The following ZBED6 variants were observed in gnomAD, a reference collection of about 807,000 sequenced individuals.
ZBED6 encodes zinc finger BED-type containing 6.
Under a neutral mutation model 58.4 loss-of-function variants are expected in ZBED6, and 40 were observed. The ratio of observed to expected loss-of-function variants is 0.68; its 90% CI spans 0.53 to 0.89. The LOEUF (loss-of-function observed/expected upper bound fraction) is 0.89, where lower values mean the gene tolerates loss of function less well. Ranked by LOEUF, ZBED6 falls within the 40% of genes least tolerant of loss-of-function variation. ZBED6 has a pLI of 0.00. For missense variants in ZBED6, 1,057 were observed against 1,003.9 expected (o/e 1.05, Z -0.71); for synonymous variants, 439 against 350.6 (o/e 1.25, Z -2.82).
intron 1 of ZBED6, among the ~76,000 whole-genome samples, chr1:203,804,776 G>A (rs1168762959): frequency 6.6e-6 from 1 of 150,656 alleles, no homozygotes; most frequent in African/African-American, 2.4e-5. Flanking sequence ...AGGTTCAAGT[G>A]ATTCTTCTGT....
At chr1:203,842,604 AG>A (rs1424186289) in intron 11 of ZBED6, among the ~76,000 whole-genome samples, 1 of 57,608 alleles carries the variant, frequency 1.7e-5, no homozygotes, top group Non-Finnish European at 3.3e-5. Context: ...GACCGGGGAG[AG>A]GGGGAGGGGG....
chr1:203,850,230 A>G (rs1688941741), intron 14 of ZBED6: 15 of 666,138 alleles, frequency 2.3e-5, no homozygotes, highest in Non-Finnish European at 3.6e-5. Context: ...CTATTTAAAA[A>G]GCTTTGTGTA....
rs759681132 is a variant in ZBED6 at position 203,847,384 on chromosome 1, C to A, written c.*3942C>A. The stretch of plus-strand genomic sequence containing the variant: ...CTCTGAGGTCCTGGCTGAAAAAAAA[C>A]ATCGGCAGCAGGAAGCAGAGAGACA... On this transcript the variant is annotated 3_prime_UTR_variant, in exon 12 of 17. Transcript: ENST00000550078. The A allele has an allele frequency of 7.4e-6, 12 of 1,613,860 alleles. No individual in the cohort carries two copies. In the South Asian group the frequency reaches 1.3e-4, roughly 18 times the overall value.
At chr1:203,827,810 A>G (rs531148245) in intron 3 of ZBED6, among the ~76,000 whole-genome samples, 1 of 152,306 alleles carries the variant, frequency 6.6e-6, no homozygotes, top group Non-Finnish European at 1.5e-5. Flanking sequence ...CTCAGCTTCA[A>G]GTAATAACTG....
At chr1:203,846,160 TGG>T (rs35704322) in intron 11 of ZBED6, among the ~76,000 whole-genome samples, 1 of 131,966 alleles carries the variant, frequency 7.6e-6, no homozygotes, top group Admixed American at 7.6e-5. Flanking sequence ...ATAATTTTTT[TGG>T]GGGGGGGGTT....
At chr1:203,827,776 A>G (rs1278822478) in intron 3 of ZBED6, among the ~76,000 whole-genome samples, 1 of 152,166 alleles carries the variant, frequency 6.6e-6, no homozygotes, top group Admixed American at 6.5e-5. Context: ...ATGAATGGGA[A>G]GAATTTTCTC....
chr1:203,828,111 C>T (rs1681157434), intron 3 of ZBED6, among the ~76,000 whole-genome samples, 188 bp from the exon 4 acceptor site: 1 of 152,168 alleles, frequency 6.6e-6, no homozygotes, highest in African/African-American at 2.4e-5. Context: ...TACTCTCCTG[C>T]TCCATTCAGC....
chr1:203,813,420 A>G (rs1263273984), intron 1 of ZBED6, among the ~76,000 whole-genome samples: 4 of 152,012 alleles, frequency 2.6e-5, no homozygotes, highest in African/African-American at 4.8e-5. Flanking sequence ...TTTCTTTTGT[A>G]TTTAAGTTGT....
chr1:203,843,659 C>T (rs1239909405), intron 11 of ZBED6, among the ~76,000 whole-genome samples: 1 of 152,116 alleles, frequency 6.6e-6, no homozygotes, highest in Non-Finnish European at 1.5e-5. Context: ...TGTGTTCTAG[C>T]AAAACTTCAT....
chr1:203,850,039 A>G lies in ZBED6; in HGVS notation c.*4638+13A>G, dbSNP rs550035692. ...AAAAGGGGTAAAGGCAAGTATTTCTATACTGTGTATTGCTTTAGGTTATCA... is the reference window on the plus strand; with the variant it reads ...AAAAGGGGTAAAGGCAAGTATTTCTGTACTGTGTATTGCTTTAGGTTATCA... On this transcript the variant is annotated intron_variant, in intron 14 of 16. Coordinates refer to ENST00000550078, the Ensembl canonical transcript of ZBED6. 23 of 1,613,418 alleles carry G rather than the reference A, an allele frequency of 1.4e-5. No homozygotes were observed. The highest frequency in any genetic ancestry group is 1.3e-4 in the African/African-American group (10 of 74,972).
At chr1:203,798,121 C>T (rs1269041583) in exon 1 of ZBED6, 1 of 1,536,122 alleles carries the variant, frequency 6.5e-7, no homozygotes, top group South Asian at 1.2e-5. Flanking sequence ...GAGGACTTTA[C>T]CTTGGATGTG....
At chr1:203,832,987 A>G (rs1192701044) in intron 8 of ZBED6, among the ~76,000 whole-genome samples, 1 of 152,136 alleles carries the variant, frequency 6.6e-6, no homozygotes, top group Non-Finnish European at 1.5e-5. Context: ...TAATCCCAGC[A>G]CTTTGGGAGG....
intron 3 of ZBED6, among the ~76,000 whole-genome samples, chr1:203,824,789 A>C (rs538881121): frequency 2.0e-5 from 3 of 152,134 alleles, no homozygotes; most frequent in Non-Finnish European, 2.9e-5. Flanking sequence ...TAGAGAAAAT[A>C]GATTGTTAGG....
chr1:203,841,405 G>A (rs1404089287), intron 11 of ZBED6, among the ~76,000 whole-genome samples: 1 of 152,112 alleles, frequency 6.6e-6, no homozygotes, highest in African/African-American at 2.4e-5. Flanking sequence ...AGCACATCTT[G>A]CACCGCCCTT....
chr1:203,810,057 G>C (rs1673829201), intron 1 of ZBED6, among the ~76,000 whole-genome samples: 1 of 151,006 alleles, frequency 6.6e-6, no homozygotes, highest in Non-Finnish European at 1.5e-5. Flanking sequence ...GTGCATCTTT[G>C]TTTTGTGTTT....
exon 12 of ZBED6, chr1:203,847,350 C>G: frequency 1.9e-6 from 3 of 1,613,822 alleles, no homozygotes; most frequent in Non-Finnish European, 2.5e-6. Context: ...CTATCCGTAT[C>G]AAAACCTTCT....
At chr1:203,817,151 T>G in intron 2 of ZBED6, 27 bp downstream of exon 2, 1 of 1,565,790 alleles carries the variant, frequency 6.4e-7, no homozygotes, top group Non-Finnish European at 8.7e-7. Flanking sequence ...TTAAATCAGT[T>G]CTTTCTACAA....
At chr1:203,826,806 T>C (rs1249109703) in intron 3 of ZBED6, among the ~76,000 whole-genome samples, 3 of 152,220 alleles carry the variant, frequency 2.0e-5, no homozygotes, top group Non-Finnish European at 4.4e-5. Context: ...TCATATCTTT[T>C]TTCCCCCTTT....
intron 1 of ZBED6, among the ~76,000 whole-genome samples, chr1:203,810,143 T>C (rs1435219570): frequency 3.3e-5 from 5 of 151,756 alleles, no homozygotes; most frequent in African/African-American, 1.2e-4. Context: ...TTTGTTTTTG[T>C]TTTTTGTTTT....
Sources: gnomAD v4.1 joint callset for allele counts (sites outside exome capture counted in the v4.1 genomes callset) on GRCh38, gnomAD v4.1.1 for gene constraint, MANE v1.5 for transcripts, NCBI Gene and HGNC (gene_info 2026-07-23, HGNC 2026-07-21) for gene names.